Variants in STK32B observed in about 807,000 individuals in gnomAD.
The protein encoded by STK32B is serine/threonine-protein kinase 32B.
In STK32B, 43 loss-of-function variants were observed where a neutral mutation model predicts 52.6. The ratio of observed to expected loss-of-function variants is 0.82; its 90% CI spans 0.64 to 1.05. The LOEUF is 1.05. Ranked by LOEUF, STK32B falls within the 50% of genes least tolerant of loss-of-function variation. The probability of loss-of-function intolerance (pLI) is 0.00; values close to 1 mark genes in which losing one functional copy is unlikely to be tolerated. For synonymous variants in STK32B, 238 were observed against 204.3 expected (o/e 1.17, Z -1.41); for missense variants, 621 against 534.6 (o/e 1.16, Z -1.59).
chr4:5,076,099 C>T, intron 1 of STK32B, among the ~76,000 whole-genome samples: 1 of 152,138 alleles, frequency 6.6e-6, no homozygotes. Context: ...TTTCACATTT[C>T]TGCTTGTATC....
intron 11 of STK32B, among the ~76,000 whole-genome samples, chr4:5,471,778 T>C (rs1050577234): frequency 2.0e-5 from 3 of 152,082 alleles, no homozygotes; most frequent in South Asian, 2.1e-4. Context: ...CTCTAGTGGG[T>C]TCTGAGTTGA....
At chr4:5,446,545 A>C in intron 6 of STK32B, 128 bp from the exon 7 acceptor site, 4 of 764,506 alleles carry the variant, frequency 5.2e-6, no homozygotes, top group Non-Finnish European at 6.2e-6. Context: ...CAGCAGAGCA[A>C]AACTCTATCT....
intron 1 of STK32B, among the ~76,000 whole-genome samples, chr4:5,074,623 A>G (rs1711972780): frequency 6.6e-6 from 1 of 152,130 alleles, no homozygotes; most frequent in Admixed American, 6.6e-5. Context: ...TAAAGCACTA[A>G]ACACATGTCT....
intron 1 of STK32B, among the ~76,000 whole-genome samples, chr4:5,138,760 C>T (rs750361913): frequency 2.0e-5 from 3 of 152,128 alleles, no homozygotes; most frequent in Non-Finnish European, 4.4e-5. Context: ...GGGAGCCAGA[C>T]GTAGTCTGGA....
At chr4:5,159,450 C>A (rs1718142373) in intron 2 of STK32B, among the ~76,000 whole-genome samples, 1 of 141,320 alleles carries the variant, frequency 7.1e-6, no homozygotes, top group African/African-American at 2.6e-5. Context: ...TGGGGTGTAA[C>A]TATATATATA....
chr4:5,427,908 CTT>C (rs1463488362), intron 6 of STK32B, among the ~76,000 whole-genome samples: 3 of 151,134 alleles, frequency 2.0e-5, no homozygotes, highest in East Asian at 1.9e-4. Flanking sequence ...TTTCTTCTCT[CTT>C]ATCTCTTATG....
intron 3 of STK32B, among the ~76,000 whole-genome samples, chr4:5,269,280 A>T (rs1039070834): frequency 2.0e-5 from 3 of 152,130 alleles, no homozygotes; most frequent in Non-Finnish European, 4.4e-5. Context: ...AGACCACAAA[A>T]CCTCAGAATT....
chr4:5,413,897 T>G (rs971556186), intron 5 of STK32B, among the ~76,000 whole-genome samples: 4 of 152,234 alleles, frequency 2.6e-5, no homozygotes, highest in African/African-American at 9.6e-5. Flanking sequence ...ATATTCTGTT[T>G]ATAGTGCCAT....
chr4:5,167,004 G>A (rs1718922957), intron 2 of STK32B, among the ~76,000 whole-genome samples: 1 of 149,700 alleles, frequency 6.7e-6, no homozygotes, highest in Non-Finnish European at 1.5e-5. Flanking sequence ...CATGCCACAT[G>A]TGCATGTCAG....
intron 1 of STK32B, among the ~76,000 whole-genome samples, chr4:5,108,435 C>G (rs1440802964): frequency 1.3e-5 from 2 of 152,150 alleles, no homozygotes; most frequent in Non-Finnish European, 2.9e-5. Context: ...AAATAGTTTT[C>G]TAAAGTGCCC....
intron 3 of STK32B, among the ~76,000 whole-genome samples, chr4:5,240,828 T>C (rs1359602643): frequency 2.0e-5 from 3 of 152,212 alleles, no homozygotes; most frequent in Admixed American, 6.5e-5. Flanking sequence ...TTCCCTGATC[T>C]GCAAATTCTA....
At chr4:5,228,325 AG>A (rs1724011447) in intron 3 of STK32B, among the ~76,000 whole-genome samples, 1 of 152,186 alleles carries the variant, frequency 6.6e-6, no homozygotes. Flanking sequence ...TTTAATTGGA[AG>A]GGTTGCTATA....
At position 5,168,370 on chromosome 4, in the gene STK32B, C is replaced by A. The variant is rs531366468; in HGVS notation, c.180C>A (p.Ile60=). ...AGTACATGAACAAGCAGAAGTGCAT[C>A]GAGAGGGATGAGGTTCGGAATGTTT... The part of the protein sequence containing the change: ...AMKYMNKQKC[I]ERDEVRNVFR... The change falls in exon 3 of 12, where the codon ATC becomes ATA. Residue 60 remains isoleucine, a synonymous_variant. Transcript: ENST00000282908. 23 of 1,613,796 alleles carry A rather than the reference C, an allele frequency of 1.4e-5. No homozygotes were observed. The South Asian group carries it at 2.5e-4, about 18-fold the overall frequency.
intron 4 of STK32B, among the ~76,000 whole-genome samples, chr4:5,355,908 A>C (rs1241792911): frequency 6.6e-6 from 1 of 152,174 alleles, no homozygotes; most frequent in Non-Finnish European, 1.5e-5. Flanking sequence ...TGATGAAGAC[A>C]TTTCTAGGAG....
chr4:5,152,231 G>A (rs1344755475), intron 2 of STK32B, among the ~76,000 whole-genome samples: 3 of 152,258 alleles, frequency 2.0e-5, no homozygotes, highest in Admixed American at 6.5e-5. Context: ...GGTGGGTGAA[G>A]AGATGGCGTT....
At chr4:5,265,992 T>G (rs1727032415) in intron 3 of STK32B, among the ~76,000 whole-genome samples, 1 of 152,232 alleles carries the variant, frequency 6.6e-6, no homozygotes. Context: ...CATAAAAATT[T>G]TCACTTATTT....
intron 3 of STK32B, among the ~76,000 whole-genome samples, chr4:5,305,445 TGGAATCTCCA>T (rs1729862963): frequency 6.6e-6 from 1 of 151,924 alleles, no homozygotes; most frequent in Non-Finnish European, 1.5e-5. Context: ...GGAATTTATC[TGGAATCTCCA>T]GGAATCTCCT....
chr4:5,088,180 A>C (rs1339562646), intron 1 of STK32B, among the ~76,000 whole-genome samples: 2 of 152,156 alleles, frequency 1.3e-5, no homozygotes, highest in Non-Finnish European at 2.9e-5. Context: ...TAAACAGCAC[A>C]TTCCTAAATA....
intron 1 of STK32B, among the ~76,000 whole-genome samples, chr4:5,116,623 G>A (rs1209709090): frequency 6.6e-6 from 1 of 152,098 alleles, no homozygotes; most frequent in Admixed American, 6.6e-5. Flanking sequence ...ACTAGTTGGG[G>A]TCTTTTGTGG....
Sources: gnomAD v4.1 joint callset for allele counts (sites outside exome capture counted in the v4.1 genomes callset) on GRCh38, gnomAD v4.1.1 for gene constraint, MANE v1.5 for transcripts, NCBI Gene and HGNC (gene_info 2026-07-23, HGNC 2026-07-21) for gene names.